Variants in ZNF676 observed in about 807,000 individuals in gnomAD.
The protein encoded by ZNF676 is zinc finger protein 676.
ZNF676 carries 4 observed loss-of-function variants against 6.0 expected under a neutral mutation model. That is an observed-to-expected ratio of 0.67 (90% CI 0.33 to 1.53). The LOEUF (loss-of-function observed/expected upper bound fraction) is 1.53. Among genes scored for constraint, ZNF676 ranks in the 40% most tolerant of loss-of-function variants. The pLI, the probability that ZNF676 is intolerant of heterozygous loss-of-function variation, is 0.06. For missense variants in ZNF676, 644 were observed against 679.7 expected, an observed-to-expected ratio of 0.95 and a Z score of 0.58; for synonymous variants, 198 against 223.1, an observed-to-expected ratio of 0.89 and a Z score of 1.00.
At chr19:22,186,444 A>G (rs1158263627) in intron 2 of ZNF676, among the ~76,000 whole-genome samples, 2 of 152,228 alleles carry the variant, frequency 1.3e-5, no homozygotes, top group East Asian at 3.8e-4. Flanking sequence ...AATTGTAAAG[A>G]CCATCGACAC....
chr19:22,236,317 C>T, the ZNF676 span, among the ~76,000 whole-genome samples: 2 of 152,034 alleles, frequency 1.3e-5, no homozygotes, highest in African/African-American at 2.4e-5. Context: ...CAGAGTGAGT[C>T]TTGGGACCCA....
the ZNF676 span, among the ~76,000 whole-genome samples, chr19:22,222,976 G>A: frequency 6.6e-6 from 1 of 152,126 alleles, no homozygotes; most frequent in East Asian, 1.9e-4. Flanking sequence ...TCACTGTGTG[G>A]GATTCTACCT....
At chr19:22,232,429 G>A in the ZNF676 span, among the ~76,000 whole-genome samples, 1 of 152,140 alleles carries the variant, frequency 6.6e-6, no homozygotes, top group Non-Finnish European at 1.5e-5. Flanking sequence ...TCCTTCCAGA[G>A]TGCTGGGAAT....
At chr19:22,207,512 A>T (rs993894948) in intron 1 of ZNF676, among the ~76,000 whole-genome samples, 1 of 152,232 alleles carries the variant, frequency 6.6e-6, no homozygotes, top group African/African-American at 2.4e-5. Context: ...AAAAATGGCC[A>T]TACTGCTTAA....
At chr19:22,221,270 T>G in the ZNF676 span, among the ~76,000 whole-genome samples, 3 of 152,210 alleles carry the variant, frequency 2.0e-5, no homozygotes, top group East Asian at 5.8e-4. Context: ...TAATATGTTG[T>G]GTCACTATTA....
At chr19:22,210,151 G>C (rs1362297488) in intron 1 of ZNF676, among the ~76,000 whole-genome samples, 3 of 152,160 alleles carry the variant, frequency 2.0e-5, no homozygotes, top group Non-Finnish European at 4.4e-5. Context: ...CCCATTCCCA[G>C]ACACCCGGAG....
At chr19:22,211,540 G>A (rs1287520956) in intron 1 of ZNF676, among the ~76,000 whole-genome samples, 2 of 152,096 alleles carry the variant, frequency 1.3e-5, no homozygotes, top group Non-Finnish European at 2.9e-5. Context: ...AGTAAGAGAA[G>A]CAAATGTATT....
At chr19:22,246,355 G>T in the ZNF676 span, among the ~76,000 whole-genome samples, 3 of 151,634 alleles carry the variant, frequency 2.0e-5, no homozygotes, top group Non-Finnish European at 4.4e-5. Context: ...CTCTCCTTGG[G>T]TAGAGTCCAA....
At chr19:22,211,313 C>T (rs2144822331) in intron 1 of ZNF676, among the ~76,000 whole-genome samples, 1 of 152,212 alleles carries the variant, frequency 6.6e-6, no homozygotes, top group Admixed American at 6.5e-5. Context: ...GGGACATCTG[C>T]AGGAAAGGCT....
Position 22,188,318 on chromosome 19 carries a change from G to A in ZNF676, c.130+4698C>T, listed in dbSNP as rs114221380. ...CTTTTGACAAAATTCAACACCTTTCGTGCTAAAAACTCTCACTAAACTAGG... is the reference window on the plus strand; with the variant it reads ...CTTTTGACAAAATTCAACACCTTTCATGCTAAAAACTCTCACTAAACTAGG... On this transcript the variant is annotated intron_variant, in intron 2 of 2. Transcript: ENST00000397121. Among the ~76,000 whole-genome samples, 670 of 152,004 alleles carry A rather than the reference G, an allele frequency of 4.4e-3. 6 individuals are homozygous for A. Among genetic ancestry groups the A allele is most frequent in the African/African-American group, 0.015 (604 of 41,534 alleles).
intron 1 of ZNF676, among the ~76,000 whole-genome samples, chr19:22,206,394 TG>T (rs1416015851): frequency 6.6e-6 from 1 of 152,118 alleles, no homozygotes; most frequent in Non-Finnish European, 1.5e-5. Context: ...AACAAACAGC[TG>T]GGCCCGGTGG....
At chr19:22,248,902 G>GT in the ZNF676 span, among the ~76,000 whole-genome samples, 1 of 151,988 alleles carries the variant, frequency 6.6e-6, no homozygotes, top group South Asian at 2.1e-4. Flanking sequence ...GCTAATTTTT[G>GT]TATTTTTAGT....
rs1403771955 is a variant in ZNF676, at chr19:22,180,474, G to T, written c.1243C>A (p.His415Asn). Reference sequence around the variant, plus strand: ...CACTTGTAGGGTTTCTCTCCAGTATGAATTCTCTTATGTTCCATGAGCTTT... The same window carrying T: ...CACTTGTAGGGTTTCTCTCCAGTATTAATTCTCTTATGTTCCATGAGCTTT... ...SSKLMEHKRIHTGEKPYKCEE... is the reference protein window; with the variant it reads ...SSKLMEHKRINTGEKPYKCEE... The change falls in exon 3 of 3, where the codon CAT (histidine) becomes AAT (asparagine). Residue 415 changes from histidine (H) to asparagine (N), a missense_variant. Physicochemically the swap from His to Asn is moderately conservative, Grantham distance 68 (BLOSUM62 1). Coordinates refer to ENST00000397121, the MANE Select transcript of ZNF676 (RefSeq NM_001001411.3). 1.2e-6 allele frequency: 2 copies of T among 1,608,462 alleles called. No homozygotes were observed. Among genetic ancestry groups the T allele is most frequent in the East Asian group, 2.2e-5 (1 of 44,654 alleles).
At chr19:22,217,362 C>A (rs3853880), upstream of ZNF676, among the ~76,000 whole-genome samples, 3 of 152,112 alleles carry the variant, frequency 2.0e-5, no homozygotes, top group South Asian at 2.1e-4. Flanking sequence ...TGCCACCATG[C>A]CTGGCTAATT....
chr19:22,228,141 A>G, the ZNF676 span, among the ~76,000 whole-genome samples: 1 of 152,234 alleles, frequency 6.6e-6, no homozygotes, highest in African/African-American at 2.4e-5. Flanking sequence ...CAGCACATCA[A>G]AAAGCTTATC....
At chr19:22,190,442 G>A (rs2023886466) in intron 2 of ZNF676, among the ~76,000 whole-genome samples, 1 of 151,482 alleles carries the variant, frequency 6.6e-6, no homozygotes, top group East Asian at 1.9e-4. Context: ...TGAAAAAATA[G>A]AAACAGCAAC....
chr19:22,181,199 T>G lies in ZNF676; in HGVS notation c.518A>C (p.Glu173Ala), dbSNP rs201045239. The G allele has an allele frequency of 6.9e-5, 111 of 1,613,858 alleles. 1 individual carries two copies. The African/African-American group carries it at 1.3e-3, about 19-fold the overall frequency. ...GGACCAGTTAAAAGCTTTGCCATTT[T>G]CTTCACATTTGTAGGAATTCTCTCT... ...YTRENSYKCE[E>A]NGKAFNWSST... The change falls in exon 3 of 3, where the codon GAA (glutamate) becomes GCA (alanine). Residue 173 changes from glutamate (E) to alanine (A), a missense_variant. Coordinates refer to ENST00000397121, the MANE Select transcript of ZNF676 (RefSeq NM_001001411.3).
At chr19:22,231,829 T>A in the ZNF676 span, among the ~76,000 whole-genome samples, 4 of 151,938 alleles carry the variant, frequency 2.6e-5, no homozygotes, top group Non-Finnish European at 5.9e-5. Flanking sequence ...CTCGATCTCT[T>A]GACCTTGTGA....
Position 22,180,073 on chromosome 19 carries a change from A to C in ZNF676, c.1644T>G (p.Leu548=). ...CGKAFSRSSS[L]TRHKRIHTGE... ...CAGTATGAATTCTCTTGTGTCTAGTAAGGCTTGAGGATCTGCTGAAGGCTT... is the reference window on the plus strand; with the variant it reads ...CAGTATGAATTCTCTTGTGTCTAGTCAGGCTTGAGGATCTGCTGAAGGCTT... Residue 548 remains leucine, a synonymous_variant, in exon 3 of 3, where the codon CTT becomes CTG. Coordinates refer to ENST00000397121, the MANE Select transcript of ZNF676 (RefSeq NM_001001411.3). 2 of 1,613,678 alleles carry C rather than the reference A, an allele frequency of 1.2e-6. No individual in the cohort carries two copies. Among genetic ancestry groups the C allele is most frequent in the Non-Finnish European group, 1.7e-6 (2 of 1,179,812 alleles).
Sources: gnomAD v4.1 joint callset for allele counts (sites outside exome capture counted in the v4.1 genomes callset) on GRCh38, gnomAD v4.1.1 for gene constraint, MANE v1.5 for transcripts, NCBI Gene and HGNC (gene_info 2026-07-23, HGNC 2026-07-21) for gene names.